The following PLXNA2 variants were observed in gnomAD, a reference collection of about 807,000 sequenced individuals.
PLXNA2 encodes the protein plexin-A2.
PLXNA2 carries 91 observed loss-of-function variants against 193.5 expected under a neutral mutation model. That is an observed-to-expected ratio of 0.47 (90% confidence interval 0.40 to 0.56). The LOEUF is 0.56. Ranked by LOEUF, PLXNA2 falls within the 20% of genes least tolerant of loss-of-function variation. The pLI is 0.00. For synonymous variants in PLXNA2, 997 were observed against 1,027.3 expected (o/e 0.97, Z 0.56); for missense variants, 1,995 against 2,503.2 (o/e 0.80, Z 4.33).
intron 4 of PLXNA2, among the ~76,000 whole-genome samples, chr1:208,132,244 G>A (rs918268555): frequency 2.0e-5 from 3 of 152,202 alleles, no homozygotes; most frequent in Non-Finnish European, 2.9e-5. Context: ...CAAATGAGGA[G>A]TTACTGAGTC....
At chr1:208,068,177 T>C (rs1160581077) in intron 12 of PLXNA2, among the ~76,000 whole-genome samples, 8 of 152,210 alleles carry the variant, frequency 5.3e-5, no homozygotes. Context: ...GCACGCTGCC[T>C]GGAACGAGTA....
At chr1:208,173,959 T>G (rs1167681777) in intron 3 of PLXNA2, among the ~76,000 whole-genome samples, 1 of 152,238 alleles carries the variant, frequency 6.6e-6, no homozygotes, top group Non-Finnish European at 1.5e-5. Flanking sequence ...GTGGTGCATG[T>G]GCGCACCCCC....
chr1:208,204,773 G>A (rs1670665147), intron 3 of PLXNA2, among the ~76,000 whole-genome samples: 1 of 152,236 alleles, frequency 6.6e-6, no homozygotes, highest in African/African-American at 2.4e-5. Flanking sequence ...AATCTCAAGG[G>A]AGGTAGACAC....
intron 12 of PLXNA2, among the ~76,000 whole-genome samples, chr1:208,067,565 C>T (rs966232197): frequency 1.3e-5 from 2 of 152,054 alleles, no homozygotes; most frequent in Admixed American, 6.6e-5. Context: ...CCCTATATGG[C>T]GTACCATTTT....
At chr1:208,192,412 C>T (rs1165773850) in intron 3 of PLXNA2, among the ~76,000 whole-genome samples, 1 of 151,992 alleles carries the variant, frequency 6.6e-6, no homozygotes, top group East Asian at 1.9e-4. Flanking sequence ...GATGATCAAA[C>T]AGACCTAAAA....
At chr1:208,223,454 C>T (rs77842729) in intron 1 of PLXNA2, among the ~76,000 whole-genome samples, 1 of 152,266 alleles carries the variant, frequency 6.6e-6, no homozygotes, top group African/African-American at 2.4e-5. Context: ...TTGATAATAG[C>T]CCCATGATAC....
intron 3 of PLXNA2, among the ~76,000 whole-genome samples, chr1:208,195,660 G>T (rs796408526): frequency 4.7e-4 from 71 of 151,692 alleles, no homozygotes; most frequent in African/African-American, 1.2e-3. Context: ...TTGGGGGGGG[G>T]GGTTAGGGGT....
intron 1 of PLXNA2, among the ~76,000 whole-genome samples, chr1:208,228,188 C>T (rs1223919659): frequency 1.3e-5 from 2 of 152,146 alleles, no homozygotes; most frequent in East Asian, 3.9e-4. Context: ...GCAGACCTTC[C>T]TTGTTACCTC....
intron 4 of PLXNA2, among the ~76,000 whole-genome samples, chr1:208,133,209 TGG>T: frequency 6.6e-6 from 1 of 152,174 alleles, no homozygotes; most frequent in African/African-American, 2.4e-5. Context: ...CCCTTCCTGG[TGG>T]TATGCGTTTA....
intron 28 of PLXNA2, 82 bp from the exon 29 acceptor site, chr1:208,031,841 C>T: frequency 7.5e-7 from 1 of 1,331,058 alleles, no homozygotes; most frequent in Non-Finnish European, 1.0e-6. Context: ...GCCTTGGACC[C>T]ATCCTGCCTT....
intron 29 of PLXNA2, 87 bp from the exon 30 acceptor site, chr1:208,029,129 A>C: frequency 1.0e-5 from 16 of 1,564,766 alleles, no homozygotes; most frequent in Non-Finnish European, 1.4e-5. Flanking sequence ...ATCAAAGGTC[A>C]AATTGTCCAC....
intron 4 of PLXNA2, among the ~76,000 whole-genome samples, chr1:208,111,271 T>C (rs1354881210): frequency 1.3e-5 from 2 of 152,154 alleles, no homozygotes; most frequent in Admixed American, 6.5e-5. Flanking sequence ...TCTCCCTATG[T>C]TTCCCAGGCT....
intron 31 of PLXNA2, 60 bp from the exon 32 acceptor site, chr1:208,027,398 C>G: frequency 1.4e-6 from 2 of 1,412,834 alleles, no homozygotes; most frequent in Non-Finnish European, 2.0e-6. Flanking sequence ...ACACCATTTT[C>G]TGGAGTCGTT....
At chr1:208,091,454 A>T (rs571352298) in intron 9 of PLXNA2, among the ~76,000 whole-genome samples, 1 of 152,248 alleles carries the variant, frequency 6.6e-6, no homozygotes, top group African/African-American at 2.4e-5. Context: ...TCATTCGTTC[A>T]TCCATTCTTT....
Position 208,045,226 on chromosome 1 carries a change from G to A in PLXNA2, c.3496-16C>T, listed in dbSNP as rs753125804. On this transcript the variant is annotated splice_polypyrimidine_tract_variant and intron_variant, in intron 18 of 31. Transcript: ENST00000367033. ...GGTTTTTGCCCTGTAGAGAATAGCA[G>A]TCTTTATAGGCATAATTGACACATG... The A allele has an allele frequency of 1.1e-5, 18 of 1,611,676 alleles. No individual in the cohort carries two copies. The African/African-American group carries it at 1.9e-4, about 17-fold the overall frequency.
At chr1:208,156,254 G>A (rs1473929772) in intron 3 of PLXNA2, among the ~76,000 whole-genome samples, 3 of 152,122 alleles carry the variant, frequency 2.0e-5, no homozygotes, top group African/African-American at 4.8e-5. Flanking sequence ...CGGCTTTGGG[G>A]GCATTCATCG....
Position 208,035,473 on chromosome 1 carries a change from T to A in PLXNA2, c.4765-881A>T, listed in dbSNP as rs532418611. On this transcript the variant is annotated intron_variant, in intron 26 of 31. Coordinates refer to ENST00000367033, the MANE Select transcript of PLXNA2 (RefSeq NM_025179.4). Reference sequence around the variant, plus strand: ...GCGAGAAAGATGGTGTCTTGTCCCATCCTCTATGAGGGTACCCCAGCTCAG... The same window carrying A: ...GCGAGAAAGATGGTGTCTTGTCCCAACCTCTATGAGGGTACCCCAGCTCAG... 8.0e-4 allele frequency among the ~76,000 whole-genome samples: 122 copies of A among 152,214 alleles called. 1 individual carries two copies. Among genetic ancestry groups the A allele is most frequent in the African/African-American group, 2.8e-3 (116 of 41,534 alleles).
chr1:208,143,681 C>G lies in PLXNA2; in HGVS notation c.1372-1218G>C, dbSNP rs796351703. Among the ~76,000 whole-genome samples, 7 of 152,250 alleles carry G rather than the reference C, an allele frequency of 4.6e-5. 1 individual carries two copies. The highest frequency in any genetic ancestry group is 1.7e-4 in the African/African-American group (7 of 41,566). The stretch of plus-strand genomic sequence containing the variant: ...CTCAAGCCCCACCTCCTCCATGAAG[C>G]CTTCCCCATCCTCTCTAATGGCTAA... On this transcript the variant is annotated intron_variant, in intron 3 of 31. Transcript: ENST00000367033.
chr1:208,113,871 T>C (rs932143299), intron 4 of PLXNA2, among the ~76,000 whole-genome samples: 1 of 152,136 alleles, frequency 6.6e-6, no homozygotes, highest in South Asian at 2.1e-4. Context: ...TGGCCTTTTT[T>C]AATGTAAAGT....
Sources: allele counts gnomAD v4.1 joint callset (sites outside exome capture counted in the v4.1 genomes callset), GRCh38; gene constraint gnomAD v4.1.1; transcripts MANE v1.5; gene names NCBI Gene and HGNC (gene_info 2026-07-23, HGNC 2026-07-21).